The following ATXN1 variants were observed in gnomAD, a reference collection of about 807,000 sequenced individuals.
ATXN1 encodes ataxin 1.
Under a neutral mutation model 56.4 loss-of-function variants are expected in ATXN1, and 8 were observed. The observed-to-expected ratio is 0.14, with a 90% CI of 0.08 to 0.26. The LOEUF is 0.26. Ranked by LOEUF, ATXN1 falls within the 10% of genes least tolerant of loss-of-function variation. The pLI, the probability that ATXN1 is intolerant of heterozygous loss-of-function variation, is 1.00. For missense variants in ATXN1, 987 were observed against 1,106.5 expected (o/e 0.89, Z 1.53); for synonymous variants, 514 against 494.6 (o/e 1.04, Z -0.52).
intron 6 of ATXN1, among the ~76,000 whole-genome samples, chr6:16,332,802 C>T (rs1292747947): frequency 6.6e-6 from 1 of 152,198 alleles, no homozygotes; most frequent in Non-Finnish European, 1.5e-5. Context: ...ATCATAATTT[C>T]TAAATTTAGC....
Position 16,326,650 on chromosome 6 carries a change from A to G in ATXN1, c.1661T>C (p.Leu554Pro), listed in dbSNP as rs1296128609. 15 of 1,613,766 alleles carry G rather than the reference A, an allele frequency of 9.3e-6. No individual in the cohort carries two copies. The highest frequency in any genetic ancestry group is 1.3e-5 in the Non-Finnish European group (15 of 1,180,034). ...GGAGGCCACGGACTGCACCACAGGCAGGTGGATCTGGGCCTGCACCATGGC... is the reference window on the plus strand; with the variant it reads ...GGAGGCCACGGACTGCACCACAGGCGGGTGGATCTGGGCCTGCACCATGGC... Reference protein sequence around the residue: ...YPAMVQAQIHLPVVQSVASPA... With the variant: ...YPAMVQAQIHPPVVQSVASPA... Residue 554 changes from leucine (L) to proline (P), a missense_variant, in exon 7 of 8, where the codon CTG becomes CCG. By Grantham distance (98) the Leu-to-Pro change is moderately conservative. This residue lies in a region of ATXN1 where 723 missense variants were observed against 791.7 expected (regional missense o/e 0.91). Transcript: ENST00000436367. This position sits in a 1 kb window ranked among gnomAD's most constrained non-coding sequence, Gnocchi z 6.6.
At chr6:16,641,548 T>A (rs1195346922) in intron 3 of ATXN1, among the ~76,000 whole-genome samples, 1 of 152,236 alleles carries the variant, frequency 6.6e-6, no homozygotes, top group Non-Finnish European at 1.5e-5. Flanking sequence ...TGTTGAGACT[T>A]AATTGCTCAG....
chr6:16,370,650 C>T (rs1434472155), intron 6 of ATXN1, among the ~76,000 whole-genome samples: 1 of 152,048 alleles, frequency 6.6e-6, no homozygotes, highest in African/African-American at 2.4e-5. Flanking sequence ...TGTATTTTGG[C>T]ATATATATAT....
At chr6:16,576,473 G>A (rs1762424040) in intron 4 of ATXN1, among the ~76,000 whole-genome samples, 1 of 152,174 alleles carries the variant, frequency 6.6e-6, no homozygotes, top group African/African-American at 2.4e-5. Context: ...GCACACAATA[G>A]AGAATCTGTA....
At chr6:16,421,300 C>T (rs561539443) in intron 6 of ATXN1, among the ~76,000 whole-genome samples, 1 of 151,958 alleles carries the variant, frequency 6.6e-6, no homozygotes, top group South Asian at 2.1e-4. Context: ...CATATCAAAC[C>T]GTGGTGTCAT....
intron 6 of ATXN1, among the ~76,000 whole-genome samples, chr6:16,474,955 G>T (rs529503936): frequency 6.6e-6 from 1 of 151,966 alleles, no homozygotes; most frequent in East Asian, 1.9e-4. Flanking sequence ...AAATTTCAAA[G>T]AATTAGACTA....
At chr6:16,706,819 G>T (rs1411811108) in intron 2 of ATXN1, among the ~76,000 whole-genome samples, 1 of 151,798 alleles carries the variant, frequency 6.6e-6, no homozygotes, top group Non-Finnish European at 1.5e-5. Flanking sequence ...AAGAATTCAG[G>T]CCTCCTAACT....
intron 6 of ATXN1, among the ~76,000 whole-genome samples, chr6:16,457,875 A>G (rs1212635122): frequency 1.3e-5 from 2 of 152,182 alleles, no homozygotes; most frequent in South Asian, 2.1e-4. Context: ...GCTATCAGTT[A>G]TGTCTCCTTT....
At chr6:16,723,301 T>C (rs951016921) in intron 2 of ATXN1, among the ~76,000 whole-genome samples, 1 of 152,204 alleles carries the variant, frequency 6.6e-6, no homozygotes, top group African/African-American at 2.4e-5. Context: ...ACATTTTCAT[T>C]TTATTAAAAA....
At chr6:16,379,526 G>A (rs898745707) in intron 6 of ATXN1, among the ~76,000 whole-genome samples, 2 of 152,154 alleles carry the variant, frequency 1.3e-5, no homozygotes, top group African/African-American at 4.8e-5. Context: ...ATTCCTTTGT[G>A]TCCTCCATGA....
rs1379114759 is a variant in ATXN1 at position 16,540,287 on chromosome 6, A to T, written c.-360-17599T>A. ...AGTGCAGTAGCATGATCTCGGCTCA[A>T]TGCAACCTCCGCCTCCTGGGTTCAA... On this transcript the variant is annotated intron_variant, in intron 4 of 7. Transcript: ENST00000436367. Among the ~76,000 whole-genome samples, 5 of 150,154 alleles carry T rather than the reference A, an allele frequency of 3.3e-5. No homozygotes were observed. In the East Asian group the frequency reaches 7.7e-4, roughly 23 times the overall value.
At chr6:16,556,489 T>C (rs1376334222) in intron 4 of ATXN1, among the ~76,000 whole-genome samples, 2 of 152,266 alleles carry the variant, frequency 1.3e-5, no homozygotes, top group African/African-American at 2.4e-5. Flanking sequence ...CTGTCAATGC[T>C]GGTAAGAAAA....
In ATXN1 at chr6:16,424,983, T is replaced by TTG. The variant is rs369370934; in HGVS notation, c.-161+60988_-161+60989insCA. Among the ~76,000 whole-genome samples, 862 of 152,348 alleles carry TTG rather than the reference T, an allele frequency of 5.7e-3. 7 individuals carry two copies. Among genetic ancestry groups the TTG allele is most frequent in the African/African-American group, 0.019 (804 of 41,574 alleles). ...TTTTGCACTCAGGGCCTTCCATGAA[T>TTG]GGCAGTTTCTGGTACCTTTGCAGAC... On this transcript the variant is annotated intron_variant, in intron 6 of 7. Coordinates refer to ENST00000436367, the MANE Select transcript of ATXN1 (RefSeq NM_001128164.2).
Position 16,327,094 on chromosome 6 carries a change from G to T in ATXN1, c.1217C>A (p.Ser406Tyr). 1 of 1,613,748 alleles carries T rather than the reference G, an allele frequency of 6.2e-7. No individual in the cohort carries two copies. The highest frequency in any genetic ancestry group is 8.5e-7 in the Non-Finnish European group (1 of 1,180,018). ...EVQQATHREA[S>Y]PSTLNDKSGL... The stretch of plus-strand genomic sequence containing the variant: ...ACTTTTGTCGTTGAGGGTAGAAGGG[G>T]AGGCTTCACGATGAGTGGCCTGTTG... The change falls in exon 7 of 8, where the codon TCC becomes TAC. Residue 406 changes from serine to tyrosine, a missense_variant. Ser to Tyr is a moderately radical substitution (Grantham distance 144). This residue lies in a region of ATXN1 where 723 missense variants were observed against 791.7 expected (regional missense o/e 0.91). Transcript: ENST00000436367.
chr6:16,490,185 A>G (rs1036564217), intron 5 of ATXN1, among the ~76,000 whole-genome samples: 7 of 151,502 alleles, frequency 4.6e-5, no homozygotes, highest in African/African-American at 1.7e-4. Flanking sequence ...TTCACACACT[A>G]TATTACCCAG....
chr6:16,542,705 T>A lies in ATXN1; in HGVS notation c.-360-20017A>T, dbSNP rs565446760. On this transcript the variant is annotated intron_variant, in intron 4 of 7. Transcript: ENST00000436367. ...CAGTTGTCCTCCCATCCATGGAGGA[T>A]CTGTTCCAAGACCCCAGTGGACGCC... 3.9e-5 allele frequency among the ~76,000 whole-genome samples: 6 copies of A among 152,316 alleles called. No individual in the cohort carries two copies. The South Asian group carries it at 1.2e-3, about 32-fold the overall frequency.
At chr6:16,755,976 A>G (rs774083813) in intron 1 of ATXN1, among the ~76,000 whole-genome samples, 108 of 152,268 alleles carry the variant, frequency 7.1e-4, no homozygotes, top group Non-Finnish European at 1.2e-3. Flanking sequence ...ACAAAATATA[A>G]TGCTTGTTGC....
At chr6:16,724,782 ACT>A (rs758777254) in intron 2 of ATXN1, among the ~76,000 whole-genome samples, 216 of 152,372 alleles carry the variant, frequency 1.4e-3, no homozygotes, top group African/African-American at 3.9e-3. Flanking sequence ...AGGTTTGATT[ACT>A]GTCATGACTC....
intron 2 of ATXN1, among the ~76,000 whole-genome samples, chr6:16,752,582 G>T (rs1414755412): frequency 6.6e-6 from 1 of 152,098 alleles, no homozygotes; most frequent in East Asian, 1.9e-4. Flanking sequence ...TCAAACCCTT[G>T]TGTTCCCAAG....
Sources: allele counts gnomAD v4.1 joint callset (sites outside exome capture counted in the v4.1 genomes callset), GRCh38; gene constraint gnomAD v4.1.1; regional missense constraint gnomAD v4.1.1; non-coding constraint Gnocchi (gnomAD v3.1); transcripts MANE v1.5; gene names NCBI Gene and HGNC (gene_info 2026-07-23, HGNC 2026-07-21).